The following SDK1 variants were observed in gnomAD, a reference collection of about 807,000 sequenced individuals.
The protein encoded by SDK1 is sidekick cell adhesion molecule 1.
A neutral mutation model predicts 245.5 loss-of-function variants in SDK1; 157 were observed. The observed-to-expected ratio is 0.64, with a 90% CI of 0.56 to 0.73. The LOEUF is 0.73. Among genes scored for constraint, SDK1 ranks in the 30% least tolerant of loss-of-function variants. SDK1 has a pLI of 0.00. For synonymous variants in SDK1, 1,647 were observed against 1,278.5 expected, an observed-to-expected ratio of 1.29 and a Z score of -6.15; for missense variants, 3,583 against 3,002.3, an observed-to-expected ratio of 1.19 and a Z score of -4.52.
At chr7:3,424,080 T>C (rs1030055412) in intron 1 of SDK1, among the ~76,000 whole-genome samples, 2 of 152,028 alleles carry the variant, frequency 1.3e-5, no homozygotes, top group Non-Finnish European at 2.9e-5. Flanking sequence ...CCTAGCTAAT[T>C]TTTGTATTTT....
intron 1 of SDK1, among the ~76,000 whole-genome samples, chr7:3,461,304 G>T (rs1392974202): frequency 6.6e-6 from 1 of 152,142 alleles, no homozygotes; most frequent in African/African-American, 2.4e-5. Context: ...GAGCGACATG[G>T]TCTGTTTCCC....
intron 5 of SDK1, among the ~76,000 whole-genome samples, chr7:3,946,713 A>G (rs1031228601): frequency 2.6e-5 from 4 of 152,218 alleles, no homozygotes; most frequent in African/African-American, 9.6e-5. Flanking sequence ...TGCCAAGAAT[A>G]AGGAGACAGT....
At chr7:4,006,767 C>A (rs1785515254) in intron 14 of SDK1, among the ~76,000 whole-genome samples, 1 of 152,286 alleles carries the variant, frequency 6.6e-6, no homozygotes, top group East Asian at 1.9e-4. Context: ...CCCCGAGATG[C>A]AGAGGTAATT....
At chr7:3,467,515 G>C (rs1781046310) in intron 1 of SDK1, among the ~76,000 whole-genome samples, 2 of 146,512 alleles carry the variant, frequency 1.4e-5, no homozygotes, top group Admixed American at 6.6e-5. Flanking sequence ...AAATTAGCTA[G>C]ATGTTTATCT....
At chr7:3,729,632 A>C (rs930076256) in intron 4 of SDK1, among the ~76,000 whole-genome samples, 10 of 152,052 alleles carry the variant, frequency 6.6e-5, no homozygotes, top group African/African-American at 2.4e-4. Flanking sequence ...CTTTCCCTAG[A>C]CCCTGAGGCA....
At chr7:3,508,695 A>T (rs1017701150) in intron 1 of SDK1, among the ~76,000 whole-genome samples, 2 of 152,156 alleles carry the variant, frequency 1.3e-5, no homozygotes, top group Non-Finnish European at 2.9e-5. Flanking sequence ...CTGATTCTTC[A>T]AAGTGTTCTG....
At chr7:3,386,311 C>T (rs1288243470) in intron 1 of SDK1, among the ~76,000 whole-genome samples, 1 of 152,134 alleles carries the variant, frequency 6.6e-6, no homozygotes, top group African/African-American at 2.4e-5. Context: ...ATGCAGATTG[C>T]AGTTTTAGCT....
At chr7:3,392,260 A>G (rs924120824) in intron 1 of SDK1, among the ~76,000 whole-genome samples, 2 of 152,164 alleles carry the variant, frequency 1.3e-5, no homozygotes, top group Non-Finnish European at 2.9e-5. Context: ...ATGATTTCTT[A>G]GAAATGTATC....
intron 44 of SDK1, among the ~76,000 whole-genome samples, chr7:4,248,627 C>T (rs1034201219): frequency 3.9e-5 from 6 of 151,954 alleles, no homozygotes; most frequent in African/African-American, 1.5e-4. Flanking sequence ...TACCTAAATA[C>T]ACACACATGT....
chr7:3,786,648 T>C (rs959543682), intron 4 of SDK1, among the ~76,000 whole-genome samples: 5 of 152,230 alleles, frequency 3.3e-5, no homozygotes, highest in African/African-American at 1.2e-4. Context: ...CTATTTGCCT[T>C]AATACCGATG....
intron 4 of SDK1, among the ~76,000 whole-genome samples, chr7:3,782,290 A>G (rs1168845195): frequency 6.6e-6 from 1 of 152,202 alleles, no homozygotes; most frequent in African/African-American, 2.4e-5. Flanking sequence ...AACTCCTTCT[A>G]ACAACCAGAT....
intron 40 of SDK1, among the ~76,000 whole-genome samples, chr7:4,232,411 C>CTTTTTTTTTTTTTTTTTTTT (rs71032930): frequency 1.0e-5 from 1 of 98,784 alleles, no homozygotes; most frequent in Non-Finnish European, 2.0e-5. Flanking sequence ...TCTTTTCTTT[C>CTTTTTTTTTTTTTTTTTTTT]TTTTTTTTTT....
chr7:3,448,092 C>G (rs952586190), intron 1 of SDK1, among the ~76,000 whole-genome samples: 3 of 152,166 alleles, frequency 2.0e-5, no homozygotes, highest in Non-Finnish European at 2.9e-5. Context: ...GATATGTATA[C>G]TTAACATTGT....
chr7:3,606,214 T>C (rs1053172470), intron 1 of SDK1, among the ~76,000 whole-genome samples: 1 of 152,170 alleles, frequency 6.6e-6, no homozygotes, highest in Non-Finnish European at 1.5e-5. Context: ...TTTGGTATCA[T>C]CATTGATTCT....
At chr7:3,901,571 T>C (rs10245389) in intron 5 of SDK1, among the ~76,000 whole-genome samples, 37,430 of 152,118 alleles carry the variant, frequency 0.25, 5,093 homozygotes, top group African/African-American at 0.35. Flanking sequence ...TGAGTGTGAT[T>C]ATTAAGCTAA....
chr7:3,323,243 G>C (rs573109070), intron 1 of SDK1, among the ~76,000 whole-genome samples: 1 of 152,270 alleles, frequency 6.6e-6, no homozygotes, highest in East Asian at 1.9e-4. Flanking sequence ...TTCAAAAGAC[G>C]TTATTCATTG....
intron 1 of SDK1, among the ~76,000 whole-genome samples, chr7:3,346,273 T>C (rs952448063): frequency 6.6e-6 from 1 of 152,134 alleles, no homozygotes; most frequent in African/African-American, 2.4e-5. Flanking sequence ...GCTCTGGGGC[T>C]GGTTTCGGTG....
intron 35 of SDK1, among the ~76,000 whole-genome samples, chr7:4,201,184 A>G (rs1476709351): frequency 6.6e-6 from 1 of 152,146 alleles, no homozygotes; most frequent in Non-Finnish European, 1.5e-5. Context: ...ATTGCTGTCT[A>G]TCTCCAACTC....
At chr7:3,303,313 T>C (rs1779331161) in intron 1 of SDK1, among the ~76,000 whole-genome samples, 1 of 152,086 alleles carries the variant, frequency 6.6e-6, no homozygotes, top group Admixed American at 6.5e-5. Flanking sequence ...ACCTTTAAAA[T>C]AATGTGTTTA....
Sources: allele counts gnomAD v4.1 joint callset (sites outside exome capture counted in the v4.1 genomes callset), GRCh38; gene constraint gnomAD v4.1.1; transcripts MANE v1.5; gene names NCBI Gene and HGNC (gene_info 2026-07-23, HGNC 2026-07-21).